Variants in SPSB1 observed in about 807,000 individuals in gnomAD.
SPSB1 encodes the protein splA/ryanodine receptor domain and SOCS box containing 1.
A neutral mutation model predicts 21.2 loss-of-function variants in SPSB1; 8 were observed. The observed-to-expected ratio is 0.38, with a 90% CI of 0.22 to 0.68. SPSB1 has a LOEUF of 0.68. Ranked by LOEUF, SPSB1 falls within the 30% of genes least tolerant of loss-of-function variation. The pLI, the probability that SPSB1 is intolerant of heterozygous loss-of-function variation, is 0.53. For synonymous variants in SPSB1, 169 were observed against 161.7 expected (o/e 1.05, Z -0.34); for missense variants, 242 against 377.8 (o/e 0.64, Z 2.98).
chr1:9,321,332 T>TA lies in SPSB1; in HGVS notation c.-150+28261_-150+28262insA, dbSNP rs1639718933. On this transcript the variant is annotated intron_variant, in intron 1 of 2. Coordinates refer to ENST00000328089, the MANE Select transcript of SPSB1 (RefSeq NM_025106.4). This position sits in a 1 kb window ranked among gnomAD's most constrained non-coding sequence, Gnocchi z 4.8. ...TCCTTACAGAGAAAGCCCGTGTGTG[T>TA]GGTGGAGCTCTAGACAGCCCGATGG... Among the ~76,000 whole-genome samples, 1 of 152,108 alleles carries TA rather than the reference T, an allele frequency of 6.6e-6. No homozygotes were observed. The highest frequency in any genetic ancestry group is 6.5e-5 in the Admixed American group (1 of 15,278).
chr1:9,344,176 A>G (rs1640134690), intron 1 of SPSB1, among the ~76,000 whole-genome samples: 1 of 152,198 alleles, frequency 6.6e-6, no homozygotes, highest in Admixed American at 6.5e-5. Flanking sequence ...TTGAGCCATA[A>G]TTCCTTGAAA....
Position 9,346,018 on chromosome 1 carries a change from G to A in SPSB1, c.-149-9725G>A, listed in dbSNP as rs969194547. Among the ~76,000 whole-genome samples the A allele has an allele frequency of 6.6e-6, 1 of 152,216 alleles. No individual in the cohort carries two copies. The stretch of plus-strand genomic sequence containing the variant: ...GCCCCGAGCCCTTCCACCACCAAGA[G>A]TGTCCCTGCCACTCATGCTCAGGAT... On this transcript the variant is annotated intron_variant, in intron 1 of 2. Transcript: ENST00000328089. This position sits in a 1 kb window ranked among gnomAD's most constrained non-coding sequence, Gnocchi z 4.4.
At chr1:9,299,467 C>CCTCT (rs1639280314) in intron 1 of SPSB1, among the ~76,000 whole-genome samples, 1 of 143,724 alleles carries the variant, frequency 7.0e-6, no homozygotes, top group Non-Finnish European at 1.6e-5. Context: ...AGTGAGACGT[C>CCTCT]ATCTCTCTCT....
chr1:9,306,978 G>A (rs1224631197), intron 1 of SPSB1, among the ~76,000 whole-genome samples: 1 of 150,468 alleles, frequency 6.6e-6, no homozygotes, highest in Non-Finnish European at 1.5e-5. Context: ...TTCAGGCTAG[G>A]GTGCAGCGGC....
chr1:9,293,012 C>T lies in SPSB1; in HGVS notation c.-209C>T, dbSNP rs1318261742. On this transcript the variant is annotated 5_prime_UTR_variant, in exon 1 of 3. Coordinates refer to ENST00000328089, the MANE Select transcript of SPSB1 (RefSeq NM_025106.4). This position sits in a 1 kb window ranked among gnomAD's most constrained non-coding sequence, Gnocchi z 5.1. Reference sequence around the variant, plus strand: ...CTTCGCTCCCTGCGGCGGGCGCGGCCCGGGCGCCCGAGCCTCCTCGGCCTT... The same window carrying T: ...CTTCGCTCCCTGCGGCGGGCGCGGCTCGGGCGCCCGAGCCTCCTCGGCCTT... The T allele has an allele frequency of 1.0e-6, 1 of 981,176 alleles. No individual in the cohort carries two copies. Among genetic ancestry groups the T allele is most frequent in the Non-Finnish European group, 1.2e-6 (1 of 827,356 alleles). The allele number at this position is 981,176 out of a possible 1,614,324, so 60.8% of individuals were successfully genotyped here.
At chr1:9,329,704 C>CAAAAAAA (rs370850231) in intron 1 of SPSB1, among the ~76,000 whole-genome samples, 2 of 87,054 alleles carry the variant, frequency 2.3e-5, no homozygotes, top group Non-Finnish European at 5.7e-5. Flanking sequence ...AAAACAACAA[C>CAAAAAAA]AAAAAAAAAA....
intron 2 of SPSB1, among the ~76,000 whole-genome samples, chr1:9,365,948 G>A (rs1374602106): frequency 6.6e-6 from 1 of 152,196 alleles, no homozygotes; most frequent in Non-Finnish European, 1.5e-5. Flanking sequence ...GCAAAGAGGG[G>A]TCTGCTCTGG....
Position 9,363,721 on chromosome 1 carries a change from A to C in SPSB1, c.695-3727A>C, listed in dbSNP as rs1204604837. ...TTAGAAAATTTTTTTTTTTTTGGAG[A>C]TGGAGTCTCATTCTGTCACCCAGGC... On this transcript the variant is annotated intron_variant, in intron 2 of 2. Coordinates refer to ENST00000328089, the MANE Select transcript of SPSB1 (RefSeq NM_025106.4). The surrounding 1 kb of genome is among the most constrained non-coding windows in gnomAD (Gnocchi z 4.5). Among the ~76,000 whole-genome samples, 1 of 150,656 alleles carries C rather than the reference A, an allele frequency of 6.6e-6. No individual in the cohort carries two copies. The highest frequency in any genetic ancestry group is 1.5e-5 in the Non-Finnish European group (1 of 67,728).
rs181598364 is a variant in SPSB1, at chr1:9,312,998, G to A, written c.-150+19927G>A. Among the ~76,000 whole-genome samples the A allele has an allele frequency of 2.6e-5, 4 of 152,330 alleles. No individual in the cohort carries two copies. The East Asian group carries it at 7.7e-4, about 29-fold the overall frequency. ...GATGTTTACTGAGTGCTTGCTCTGT[G>A]CCTGGCACTGTTCTGGGCACTTTCC... On this transcript the variant is annotated intron_variant, in intron 1 of 2. Transcript: ENST00000328089.
intron 1 of SPSB1, among the ~76,000 whole-genome samples, chr1:9,327,165 C>G (rs1639829251): frequency 6.6e-6 from 1 of 152,194 alleles, no homozygotes; most frequent in Non-Finnish European, 1.5e-5. Context: ...GGATGGCCCT[C>G]TAAGCCCACG....
rs770051537 is a variant in SPSB1 at position 9,307,759 on chromosome 1, C to T, written c.-150+14688C>T. 8.5e-5 allele frequency among the ~76,000 whole-genome samples: 13 copies of T among 152,186 alleles called. 1 individual carries two copies. Among genetic ancestry groups the T allele is most frequent in the Admixed American group, 2.6e-4 (4 of 15,280 alleles). On this transcript the variant is annotated intron_variant, in intron 1 of 2. Transcript: ENST00000328089. Reference sequence around the variant, plus strand: ...CTTGTTACTTATTTGTATCTTTTCCCGTTGATCTATTAAAAATGACACCTG... The same window carrying T: ...CTTGTTACTTATTTGTATCTTTTCCTGTTGATCTATTAAAAATGACACCTG...
In SPSB1 at chr1:9,356,410, C is replaced by T. The variant is rs771936778; in HGVS notation, c.519C>T (p.Val173=). 5 of 1,614,036 alleles carry T rather than the reference C, an allele frequency of 3.1e-6. No individual in the cohort carries two copies. The African/African-American group carries it at 6.7e-5, about 22-fold the overall frequency. The part of the protein sequence containing the change: ...AFLEPDETFI[V]PDSFLVALDM... ...TGGAACCAGATGAGACATTCATTGT[C>T]CCTGACTCCTTCCTGGTAGCCCTGG... is the stretch of plus-strand genomic sequence containing the variant. Residue 173 remains valine, a synonymous_variant, in exon 2 of 3, where the codon GTC becomes GTT. Transcript: ENST00000328089. The surrounding 1 kb of genome is among the most constrained non-coding windows in gnomAD (Gnocchi z 7.4).
intron 1 of SPSB1, among the ~76,000 whole-genome samples, chr1:9,314,026 A>G (rs753201922): frequency 1.3e-5 from 2 of 152,052 alleles, no homozygotes; most frequent in Non-Finnish European, 2.9e-5. Flanking sequence ...AAATACAAAA[A>G]TTAGCCAGGT....
At chr1:9,352,551 G>T (rs61388173) in intron 1 of SPSB1, among the ~76,000 whole-genome samples, 122,688 of 152,096 alleles carry the variant, frequency 0.81, 49,527 homozygotes, top group East Asian at 0.94. Flanking sequence ...ATTTACTATC[G>T]CGCCCATTTC....
At chr1:9,357,148 G>GAT (rs1640381767) in intron 2 of SPSB1, among the ~76,000 whole-genome samples, 2 of 41,370 alleles carry the variant, frequency 4.8e-5, no homozygotes, top group Non-Finnish European at 1.4e-4. Context: ...TGGATGGATG[G>GAT]GTGGATGGAT....
chr1:9,339,860 C>T (rs1640061221), intron 1 of SPSB1, among the ~76,000 whole-genome samples: 2 of 152,216 alleles, frequency 1.3e-5, no homozygotes, highest in South Asian at 4.1e-4. Flanking sequence ...TTCCGTGGCA[C>T]AGGTCGGCCT....
chr1:9,319,171 A>C (rs1286360030), intron 1 of SPSB1, among the ~76,000 whole-genome samples: 1 of 151,790 alleles, frequency 6.6e-6, no homozygotes, highest in African/African-American at 2.4e-5. Context: ...ACAGAGTGAG[A>C]CTCCATCTCA....
In SPSB1 at chr1:9,328,504, C is replaced by T. The variant is rs142749939; in HGVS notation, c.-149-27239C>T. ...CCTTAAGAATCCGTCAAGGCCACTT[C>T]GGGGGAAGAGCTGATTTCTTTCAAT... is the stretch of plus-strand genomic sequence containing the variant. On this transcript the variant is annotated intron_variant, in intron 1 of 2. Coordinates refer to ENST00000328089, the MANE Select transcript of SPSB1 (RefSeq NM_025106.4). Among the ~76,000 whole-genome samples the T allele has an allele frequency of 3.5e-3, 531 of 152,300 alleles. 3 individuals are homozygous for T. Among genetic ancestry groups the T allele is most frequent in the African/African-American group, 0.012 (505 of 41,550 alleles).
At chr1:9,350,617 T>C (rs190587552) in intron 1 of SPSB1, among the ~76,000 whole-genome samples, 3 of 152,278 alleles carry the variant, frequency 2.0e-5, no homozygotes, top group Admixed American at 2.0e-4. Context: ...CATGCGTGTG[T>C]GTGGTGGGTG....
Sources: allele counts gnomAD v4.1 joint callset (sites outside exome capture counted in the v4.1 genomes callset), GRCh38; gene constraint gnomAD v4.1.1; non-coding constraint Gnocchi (gnomAD v3.1); transcripts MANE v1.5; gene names NCBI Gene and HGNC (gene_info 2026-07-23, HGNC 2026-07-21).